The following NFIB variants were observed in gnomAD, a reference collection of about 807,000 sequenced individuals.
NFIB encodes the protein nuclear factor I B.
Under a neutral mutation model 61.5 loss-of-function variants are expected in NFIB, and 11 were observed. That is an observed-to-expected ratio of 0.18 (90% CI 0.11 to 0.30). NFIB has a LOEUF of 0.30. Ranked by LOEUF, NFIB falls within the 10% of genes least tolerant of loss-of-function variation. The probability of loss-of-function intolerance (pLI) is 1.00; values close to 1 mark genes in which losing one functional copy is unlikely to be tolerated. For synonymous variants in NFIB, 260 were observed against 216.5 expected (o/e 1.20, Z -1.76); for missense variants, 471 against 608.9 (o/e 0.77, Z 2.38).
chr9:14,363,766 T>G (rs2132950760), intron 1 of NFIB, among the ~76,000 whole-genome samples: 1 of 152,176 alleles, frequency 6.6e-6, no homozygotes, highest in South Asian at 2.1e-4. Flanking sequence ...TATATTAACT[T>G]TTCACTTATT....
chr9:14,264,641 C>T (rs1166424050), intron 2 of NFIB, among the ~76,000 whole-genome samples: 1 of 151,646 alleles, frequency 6.6e-6, no homozygotes, highest in African/African-American at 2.4e-5. Context: ...TGCTATATGT[C>T]CCCTACAATA....
intron 2 of NFIB, among the ~76,000 whole-genome samples, chr9:14,216,538 CTCTCCCTCTGTGTGTGTGTGTGTGTG>C (rs1480992708): frequency 9.8e-4 from 30 of 30,620 alleles, no homozygotes; most frequent in African/African-American, 4.8e-3. Context: ...CTCTCTCTCT[CTCTCCCTCTGTGTGTGTGTGTGTGTG>C]TGTGTGTGTG....
At chr9:14,256,464 C>T (rs1211320336) in intron 2 of NFIB, among the ~76,000 whole-genome samples, 2 of 151,456 alleles carry the variant, frequency 1.3e-5, no homozygotes, top group African/African-American at 4.9e-5. Context: ...AAGAAGAAAA[C>T]ATATAAGTAG....
the NFIB span, among the ~76,000 whole-genome samples, chr9:14,455,897 A>G: frequency 1.3e-5 from 2 of 152,236 alleles, no homozygotes; most frequent in Non-Finnish European, 2.9e-5. Context: ...TTTTGAATGG[A>G]CAGGCAGATC....
intron 2 of NFIB, among the ~76,000 whole-genome samples, chr9:14,218,729 C>G (rs371162679): frequency 6.6e-6 from 1 of 152,316 alleles, no homozygotes; most frequent in South Asian, 2.1e-4. Flanking sequence ...TCCCCAGGAG[C>G]TGAAATTGGA....
intron 2 of NFIB, among the ~76,000 whole-genome samples, chr9:14,293,024 A>G (rs1408594531): frequency 2.0e-5 from 3 of 152,244 alleles, no homozygotes; most frequent in Non-Finnish European, 4.4e-5. Context: ...ATTAAATAAC[A>G]GAATTCTAAA....
intron 10 of NFIB, among the ~76,000 whole-genome samples, chr9:14,095,444 C>T (rs2034622564): frequency 6.6e-6 from 1 of 151,964 alleles, no homozygotes; most frequent in South Asian, 2.1e-4. Context: ...GTGGAGAAGC[C>T]CACATGTTGA....
At chr9:14,181,960 G>A (rs146376770) in intron 2 of NFIB, among the ~76,000 whole-genome samples, 8 of 152,268 alleles carry the variant, frequency 5.3e-5, no homozygotes, top group African/African-American at 1.2e-4. Flanking sequence ...AAATGGTGCC[G>A]CAAAACTCTT....
chr9:14,326,162 C>T (rs1283003430), intron 1 of NFIB, among the ~76,000 whole-genome samples: 1 of 152,160 alleles, frequency 6.6e-6, no homozygotes, highest in African/African-American at 2.4e-5. Flanking sequence ...GAGGAAAACC[C>T]AGGCATAAAT....
chr9:14,384,157 G>A (rs1330651367), intron 1 of NFIB, among the ~76,000 whole-genome samples: 6 of 152,140 alleles, frequency 3.9e-5, no homozygotes, highest in South Asian at 4.1e-4. Flanking sequence ...ACCAGAAGTC[G>A]CAATCCTGAT....
intron 1 of NFIB, among the ~76,000 whole-genome samples, chr9:14,335,669 A>G (rs2060878650): frequency 6.6e-6 from 1 of 152,228 alleles, no homozygotes; most frequent in South Asian, 2.1e-4. Context: ...GTTCTTTAGA[A>G]GAGCAGAATT....
intron 6 of NFIB, among the ~76,000 whole-genome samples, chr9:14,134,913 A>AAAAAAAAAAAAAAAAAAG (rs1011872669): frequency 1.2e-4 from 16 of 133,380 alleles, no homozygotes; most frequent in East Asian, 4.4e-4. Flanking sequence ...AAAAAAAAAA[A>AAAAAAAAAAAAAAAAAAG]AAAAAAAGGA....
At chr9:14,411,425 C>T in the NFIB span, among the ~76,000 whole-genome samples, 1 of 152,048 alleles carries the variant, frequency 6.6e-6, no homozygotes, top group Non-Finnish European at 1.5e-5. Context: ...TCAGAGTGGC[C>T]AAGGAATTTA....
At chr9:14,145,351 CAAG>C (rs1811421820) in intron 6 of NFIB, among the ~76,000 whole-genome samples, 1 of 152,088 alleles carries the variant, frequency 6.6e-6, no homozygotes, top group South Asian at 2.1e-4. Context: ...GTTAAAATCT[CAAG>C]GAGATTTAGA....
chr9:14,376,836 T>TAA (rs61381185), intron 1 of NFIB, among the ~76,000 whole-genome samples: 4 of 150,674 alleles, frequency 2.7e-5, no homozygotes, highest in African/African-American at 9.7e-5. Context: ...CCATTTTTTT[T>TAA]AAAAAAAGAG....
the NFIB span, among the ~76,000 whole-genome samples, chr9:14,468,032 G>C: frequency 2.6e-5 from 4 of 152,190 alleles, no homozygotes; most frequent in Admixed American, 1.3e-4. Flanking sequence ...CTTTGCATTA[G>C]ATATTCGTTA....
chr9:14,266,990 G>T (rs909045379), intron 2 of NFIB, among the ~76,000 whole-genome samples: 1 of 152,050 alleles, frequency 6.6e-6, no homozygotes, highest in Admixed American at 6.6e-5. Flanking sequence ...TCAGAACTGG[G>T]GAAAACAGAC....
intron 2 of NFIB, among the ~76,000 whole-genome samples, chr9:14,269,217 A>C (rs2057427848): frequency 6.6e-6 from 1 of 152,196 alleles, no homozygotes; most frequent in South Asian, 2.1e-4. Context: ...TTCTCTACAG[A>C]TTCTGAAATG....
intron 1 of NFIB, among the ~76,000 whole-genome samples, chr9:14,355,503 T>G (rs190109588): frequency 3.4e-4 from 52 of 152,346 alleles, no homozygotes; most frequent in African/African-American, 1.0e-3. Context: ...CAGCCCATTA[T>G]GTACAGCCAT....
Sources: allele counts gnomAD v4.1 joint callset (sites outside exome capture counted in the v4.1 genomes callset), GRCh38; gene constraint gnomAD v4.1.1; transcripts MANE v1.5; gene names NCBI Gene and HGNC (gene_info 2026-07-23, HGNC 2026-07-21).